CDKAL1: variants seen among roughly 807,000 people sequenced by gnomAD.
CDKAL1 encodes CDKAL1 threonylcarbamoyladenosine tRNA methylthiotransferase.
CDKAL1 carries 32 observed loss-of-function variants against 68.2 expected under a neutral mutation model. That is an observed-to-expected ratio of 0.47 (90% confidence interval 0.35 to 0.63). The LOEUF is 0.63. CDKAL1 is among the 30% of genes least tolerant of loss of function. CDKAL1 has a pLI of 0.00. For synonymous variants in CDKAL1, 234 were observed against 244.3 expected, an observed-to-expected ratio of 0.96 and a Z score of 0.39; for missense variants, 606 against 696.7, an observed-to-expected ratio of 0.87 and a Z score of 1.47.
At chr6:20,991,706 C>CAAAAAAAA (rs35504365) in intron 10 of CDKAL1, among the ~76,000 whole-genome samples, 1 of 59,620 alleles carries the variant, frequency 1.7e-5, no homozygotes, top group Non-Finnish European at 3.1e-5. Flanking sequence ...TATTCCCTCT[C>CAAAAAAAA]AAAAAAAAAA....
intron 6 of CDKAL1, among the ~76,000 whole-genome samples, chr6:20,751,829 C>A (rs1273874691): frequency 6.6e-6 from 1 of 152,074 alleles, no homozygotes; most frequent in East Asian, 1.9e-4. Context: ...CTCAAGGACA[C>A]AAGATACTGT....
chr6:20,917,712 C>T (rs537840577), intron 9 of CDKAL1, among the ~76,000 whole-genome samples: 15 of 152,274 alleles, frequency 9.9e-5, no homozygotes, highest in African/African-American at 3.6e-4. Context: ...TTTGCATTCT[C>T]ATAGGTTAGC....
chr6:20,982,048 CTTATTTAT>C lies in CDKAL1; in HGVS notation c.910-18150_910-18143del, dbSNP rs35693086. Among the ~76,000 whole-genome samples, 1,003 of 147,070 alleles carry C rather than the reference CTTATTTAT, an allele frequency of 6.8e-3. 9 individuals carry two copies. Among genetic ancestry groups the C allele is most frequent in the African/African-American group, 0.012 (472 of 39,930 alleles). Reference sequence around the variant, plus strand: ...TTCTCACCTAAGATAGAAGGAAATTCTTATTTATTTATTTATTTATTTATTTATTTATT... The same window carrying C: ...TTCTCACCTAAGATAGAAGGAAATTCTTATTTATTTATTTATTTATTTATT... On this transcript the variant is annotated intron_variant, in intron 10 of 15. Transcript: ENST00000274695.
intron 9 of CDKAL1, among the ~76,000 whole-genome samples, chr6:20,916,877 A>G (rs1417015448): frequency 6.6e-6 from 1 of 151,564 alleles, no homozygotes; most frequent in Admixed American, 6.6e-5. Context: ...TACCAAAACA[A>G]TAACAAAAAA....
intron 4 of CDKAL1, among the ~76,000 whole-genome samples, chr6:20,620,730 A>G (rs1223582530): frequency 2.0e-5 from 3 of 151,990 alleles, no homozygotes. Flanking sequence ...TGGCTTCCTA[A>G]TAGGTGCATT....
At chr6:20,813,315 A>G (rs1263364522) in intron 8 of CDKAL1, among the ~76,000 whole-genome samples, 5 of 152,114 alleles carry the variant, frequency 3.3e-5, no homozygotes, top group African/African-American at 1.2e-4. Context: ...TGTTTGGCAT[A>G]CTATTTAGTG....
Position 20,678,839 on chromosome 6 carries a change from A to G in CDKAL1, c.371+29462A>G, listed in dbSNP as rs531264470. Among the ~76,000 whole-genome samples, 17 of 152,234 alleles carry G rather than the reference A, an allele frequency of 1.1e-4. 1 individual carries two copies. The South Asian group carries it at 2.7e-3, about 24-fold the overall frequency. ...AATAAAGTGTTATTTAGGAAGTTGC[A>G]TATTTTGAGTGGTTAACTTTTCATT... On this transcript the variant is annotated intron_variant, in intron 5 of 15. Coordinates refer to ENST00000274695, the MANE Select transcript of CDKAL1 (RefSeq NM_017774.3).
At chr6:20,609,260 C>CCTTCTTCCTCCTTCCTT (rs111264710) in intron 4 of CDKAL1, among the ~76,000 whole-genome samples, 39 of 120,604 alleles carry the variant, frequency 3.2e-4, no homozygotes, top group African/African-American at 8.2e-4. Flanking sequence ...CTTCCTCCTT[C>CCTTCTTCCTCCTTCCTT]CTTCCTCCTC....
chr6:20,649,597 G>A (rs556615385), intron 5 of CDKAL1, among the ~76,000 whole-genome samples: 1 of 152,144 alleles, frequency 6.6e-6, no homozygotes, highest in Non-Finnish European at 1.5e-5. Context: ...TGGGGTACAT[G>A]TACAGGATGT....
rs572545275 is a variant in CDKAL1 at position 20,763,350 on chromosome 6, C to A, written c.517+4707C>A. On this transcript the variant is annotated intron_variant, in intron 7 of 15. Coordinates refer to ENST00000274695, the MANE Select transcript of CDKAL1 (RefSeq NM_017774.3). ...TGCCTCTGGGATGGAAACAGCACCC[C>A]GTTGTTGCTAGCCTCAGAGTACCGC... is the stretch of plus-strand genomic sequence containing the variant. Among the ~76,000 whole-genome samples, 7 of 152,244 alleles carry A rather than the reference C, an allele frequency of 4.6e-5. No individual in the cohort carries two copies. In the South Asian group the frequency reaches 1.5e-3, roughly 32 times the overall value.
intron 13 of CDKAL1, among the ~76,000 whole-genome samples, chr6:21,171,324 TG>T (rs1398406288): frequency 6.6e-6 from 1 of 152,142 alleles, no homozygotes; most frequent in Non-Finnish European, 1.5e-5. Context: ...AGGATTCTCC[TG>T]CCTCAGCCTC....
intron 11 of CDKAL1, among the ~76,000 whole-genome samples, chr6:21,043,629 C>T (rs574050649): frequency 1.4e-4 from 22 of 152,336 alleles, no homozygotes; most frequent in Non-Finnish European, 2.8e-4. Context: ...TTCATCATCC[C>T]TATTTTAGTG....
chr6:20,967,075 T>C (rs1310598224), intron 10 of CDKAL1, among the ~76,000 whole-genome samples: 1 of 152,202 alleles, frequency 6.6e-6, no homozygotes, highest in Non-Finnish European at 1.5e-5. Context: ...TATAGACATA[T>C]CACTCCAATT....
intron 11 of CDKAL1, among the ~76,000 whole-genome samples, chr6:21,055,584 A>G (rs973783068): frequency 3.9e-5 from 6 of 152,100 alleles, no homozygotes; most frequent in African/African-American, 1.4e-4. Flanking sequence ...GTGTGTTCAC[A>G]TTGTTCAGCT....
At chr6:20,715,429 C>T in intron 5 of CDKAL1, among the ~76,000 whole-genome samples, 1 of 152,276 alleles carries the variant, frequency 6.6e-6, no homozygotes, top group African/African-American at 2.4e-5. Flanking sequence ...TATGTATTCA[C>T]CACATTTACT....
chr6:21,147,596 C>T (rs1402420148), intron 13 of CDKAL1, among the ~76,000 whole-genome samples: 1 of 152,190 alleles, frequency 6.6e-6, no homozygotes, highest in Non-Finnish European at 1.5e-5. Flanking sequence ...CACCCTCTCT[C>T]CTTGAGTCCT....
chr6:20,946,522 G>T (rs78721925), intron 9 of CDKAL1, among the ~76,000 whole-genome samples: 1 of 151,728 alleles, frequency 6.6e-6, no homozygotes, highest in African/African-American at 2.4e-5. Context: ...GAGCCAATAC[G>T]GCTGGCCTTT....
chr6:21,093,962 C>G, intron 12 of CDKAL1, among the ~76,000 whole-genome samples: 1 of 146,640 alleles, frequency 6.8e-6, no homozygotes. Flanking sequence ...AAACTTCTGG[C>G]CTCAAGCTAT....
intron 4 of CDKAL1, among the ~76,000 whole-genome samples, chr6:20,573,343 A>G (rs180960829): frequency 9.7e-4 from 148 of 152,070 alleles, no homozygotes; most frequent in African/African-American, 3.1e-3. Flanking sequence ...TTTTCATAAC[A>G]CTTTTGCAGT....
Sources: gnomAD v4.1 joint callset for allele counts (sites outside exome capture counted in the v4.1 genomes callset) on GRCh38, gnomAD v4.1.1 for gene constraint, MANE v1.5 for transcripts, NCBI Gene and HGNC (gene_info 2026-07-23, HGNC 2026-07-21) for gene names.